ADCY6: variants seen among roughly 807,000 people sequenced by gnomAD.
The protein encoded by ADCY6 is adenylate cyclase 6.
Under a neutral mutation model 111.6 loss-of-function variants are expected in ADCY6, and 59 were observed. The observed-to-expected ratio is 0.53, with a 90% CI of 0.43 to 0.66. ADCY6 has a LOEUF of 0.66. ADCY6 is among the 30% of genes least tolerant of loss of function. The pLI is 0.00. For missense variants in ADCY6, 1,242 were observed against 1,595.6 expected, an observed-to-expected ratio of 0.78 and a Z score of 3.78; for synonymous variants, 576 against 642.9, an observed-to-expected ratio of 0.90 and a Z score of 1.57.
Position 48,768,728 on chromosome 12 carries a change from G to T in ADCY6, c.3382-12C>A. The T allele has an allele frequency of 6.2e-7, 1 of 1,613,212 alleles. No homozygotes were observed. Among genetic ancestry groups the T allele is most frequent in the Non-Finnish European group, 8.5e-7 (1 of 1,179,348 alleles). On this transcript the variant is annotated splice_polypyrimidine_tract_variant and intron_variant, in intron 21 of 21. Coordinates refer to ENST00000357869, the MANE Select transcript of ADCY6 (RefSeq NM_015270.5). Reference sequence around the variant, plus strand: ...AGGTCCGTGGTCACCTGGGGGAGTGGGAGGGGAGCCCGCTTAGCCTGGAAT... The same window carrying T: ...AGGTCCGTGGTCACCTGGGGGAGTGTGAGGGGAGCCCGCTTAGCCTGGAAT...
intron 21 of ADCY6, 105 bp downstream of exon 21, chr12:48,768,832 C>A (rs1245952347): frequency 2.3e-5 from 36 of 1,552,770 alleles, no homozygotes; most frequent in Non-Finnish European, 3.0e-5. Context: ...CCCCACCATA[C>A]ACAGAACACT....
intron 2 of ADCY6, among the ~76,000 whole-genome samples, chr12:48,780,664 C>G (rs1296716560): frequency 2.0e-5 from 3 of 152,196 alleles, no homozygotes; most frequent in Non-Finnish European, 4.4e-5. Context: ...CAGTCGAGAG[C>G]AGGGAACAGA....
intron 1 of ADCY6, among the ~76,000 whole-genome samples, chr12:48,788,462 G>A (rs568553200): frequency 6.6e-6 from 1 of 152,034 alleles, no homozygotes; most frequent in African/African-American, 2.4e-5. Context: ...CATTCCCAAG[G>A]TTTTGGGTGA....
At chr12:48,770,597 G>A (rs1178677149) in intron 20 of ADCY6, among the ~76,000 whole-genome samples, 169 bp downstream of exon 20, 1 of 152,198 alleles carries the variant, frequency 6.6e-6, no homozygotes, top group Non-Finnish European at 1.5e-5. Flanking sequence ...TTATAGGACA[G>A]TGCCTAATGA....
At chr12:48,779,729 T>C (rs1439296206) in intron 2 of ADCY6, among the ~76,000 whole-genome samples, 1 of 152,134 alleles carries the variant, frequency 6.6e-6, no homozygotes, top group African/African-American at 2.4e-5. Context: ...CAGAGTTGGA[T>C]GGGGCAGGGC....
chr12:48,778,872 A>ATTTTTTTTTTTTTTTTTT (rs1037254707), intron 2 of ADCY6, among the ~76,000 whole-genome samples: 3 of 72,414 alleles, frequency 4.1e-5, no homozygotes, highest in African/African-American at 1.8e-4. Flanking sequence ...TGAATAACAC[A>ATTTTTTTTTTTTTTTTTT]TTTTTTTTTT....
chr12:48,768,653 C>T lies in ADCY6; in HGVS notation c.3445G>A (p.Val1149Ile), dbSNP rs145630064. Residue 1149 changes from valine to isoleucine, a missense_variant, in exon 22 of 22, where the codon GTC (valine) becomes ATC (isoleucine). Coordinates refer to ENST00000357869, the MANE Select transcript of ADCY6 (RefSeq NM_015270.5). Reference sequence around the variant, plus strand: ...ATCTCCCCCTTGCCCTTCACCTTGACCACCCCTCGACACTCCAGCTGGTAG... The same window carrying T: ...ATCTCCCCCTTGCCCTTCACCTTGATCACCCCTCGACACTCCAGCTGGTAG... ...KGYQLECRGV[V>I]KVKGKGEMTT... 4.1e-5 allele frequency: 66 copies of T among 1,614,062 alleles called. No homozygotes were observed. The African/African-American group carries it at 8.1e-4, about 20-fold the overall frequency.
Position 48,777,709 on chromosome 12 carries a change from G to C in ADCY6, c.1042C>G (p.Gln348Glu). The change falls in exon 4 of 22, where the codon CAG (glutamine) becomes GAG (glutamate). Residue 348 changes from glutamine (Q) to glutamate (E), a missense_variant. Transcript: ENST00000357869. This position sits in a 1 kb window ranked among gnomAD's most constrained non-coding sequence, Gnocchi z 4.9. Reference sequence around the variant, plus strand: ...TCTTTCATCTCCATGGCAACGTGCTGGGGCAATACCGACAGCAGCAGCCGC... The same window carrying C: ...TCTTTCATCTCCATGGCAACGTGCTCGGGCAATACCGACAGCAGCAGCCGC... ...QERLLLSVLP[Q>E]HVAMEMKEDI... The C allele has an allele frequency of 6.2e-7, 1 of 1,614,114 alleles. No individual in the cohort carries two copies. Among genetic ancestry groups the C allele is most frequent in the African/African-American group, 1.3e-5 (1 of 75,016 alleles).
chr12:48,772,128 G>T (rs1941565328), intron 18 of ADCY6, 155 bp from the exon 19 acceptor site: 7 of 1,374,840 alleles, frequency 5.1e-6, no homozygotes, highest in Non-Finnish European at 5.8e-6. Context: ...AAAGGGGGCA[G>T]GTAGAGGATG....
At chr12:48,775,915 G>A (rs1941686452) in intron 9 of ADCY6, 48 bp downstream of exon 9, 2 of 1,566,752 alleles carry the variant, frequency 1.3e-6, no homozygotes, top group Non-Finnish European at 1.7e-6. Context: ...AGGGTATTGA[G>A]GGAGCTAAGA....
chr12:48,777,578 C>T lies in ADCY6; in HGVS notation c.1136+37G>A. ...CATAGCCCTCAAAGACTTCCAGACC[C>T]CCCGCCCTGCTGGGCATCCTCCTAC... On this transcript the variant is annotated intron_variant, in intron 4 of 21. Coordinates refer to ENST00000357869, the MANE Select transcript of ADCY6 (RefSeq NM_015270.5). The surrounding 1 kb of genome is among the most constrained non-coding windows in gnomAD (Gnocchi z 4.9). 2 of 1,612,890 alleles carry T rather than the reference C, an allele frequency of 1.2e-6. No individual in the cohort carries two copies. Among genetic ancestry groups the T allele is most frequent in the Non-Finnish European group, 1.7e-6 (2 of 1,179,946 alleles).
chr12:48,777,963 C>T lies in ADCY6; in HGVS notation c.1014+145G>A. Reference sequence around the variant, plus strand: ...CTCCTTCCCTTGGACAGGACAAAACCCCAGTATCACAGGGCCTCTGTGACG... The same window carrying T: ...CTCCTTCCCTTGGACAGGACAAAACTCCAGTATCACAGGGCCTCTGTGACG... On this transcript the variant is annotated intron_variant, in intron 3 of 21. Transcript: ENST00000357869. This position sits in a 1 kb window ranked among gnomAD's most constrained non-coding sequence, Gnocchi z 4.9. 24 of 1,310,422 alleles carry T rather than the reference C, an allele frequency of 1.8e-5. No homozygotes were observed. The highest frequency in any genetic ancestry group is 2.5e-5 in the Non-Finnish European group (24 of 963,620). 81.2% of individuals were successfully genotyped at this position (1,310,422 alleles called of 1,614,324 possible).
In ADCY6 at chr12:48,768,400, G is replaced by A. The variant is rs546911280; in HGVS notation, c.*191C>T. 115 of 747,302 alleles carry A rather than the reference G, an allele frequency of 1.5e-4. 1 individual carries two copies. The highest frequency in any genetic ancestry group is 1.5e-3 in the South Asian group (88 of 58,036). The allele number at this position is 747,302 out of a possible 1,614,324, so 46.3% of individuals were successfully genotyped here. A position where few individuals can be genotyped will look rare whatever the true frequency, so the allele number is the denominator to read the frequency against. On this transcript the variant is annotated 3_prime_UTR_variant, in exon 22 of 22. Transcript: ENST00000357869. ...AGAAAGTCACTTGCATAATCCTCTC[G>A]GTAGGTAGCCCCTTGTTTTCCAGCT...
intron 1 of ADCY6, among the ~76,000 whole-genome samples, chr12:48,785,680 G>A (rs1364985701): frequency 6.6e-6 from 1 of 152,156 alleles, no homozygotes; most frequent in Admixed American, 6.5e-5. Context: ...ATGGATGGAC[G>A]AATGATACTC....
chr12:48,784,856 G>A (rs563300657), intron 1 of ADCY6, among the ~76,000 whole-genome samples: 11 of 151,998 alleles, frequency 7.2e-5, no homozygotes, highest in South Asian at 2.1e-4. Flanking sequence ...TAGTAGAGAC[G>A]GAGTTTCACT....
chr12:48,775,387 G>A lies in ADCY6; in HGVS notation c.1896C>T (p.Ile632=), dbSNP rs116169976. ...DEVDEFLSRA[I]DARSIDQLRK... ...GCAGCTGATCAATGCTGCGGGCATCGATGGCACGGCTCAGGAACTCATCCA... is the reference window on the plus strand; with the variant it reads ...GCAGCTGATCAATGCTGCGGGCATCAATGGCACGGCTCAGGAACTCATCCA... Residue 632 remains isoleucine (I), a synonymous_variant, in exon 11 of 22, where the codon ATC becomes ATT. Coordinates refer to ENST00000357869, the MANE Select transcript of ADCY6 (RefSeq NM_015270.5). 17 of 1,614,174 alleles carry A rather than the reference G, an allele frequency of 1.1e-5. No homozygotes were observed. Among genetic ancestry groups the A allele is most frequent in the African/African-American group, 5.3e-5 (4 of 75,040 alleles).
Position 48,776,809 on chromosome 12 carries a change from T to C in ADCY6, c.1377-223A>G, listed in dbSNP as rs1022921760. ...GGGGCCCAGCAGCATCTTATGGAAC[T>C]GAGCTAGGAGAAGAGGAATCACTGT... On this transcript the variant is annotated intron_variant, in intron 6 of 21. Transcript: ENST00000357869. This position sits in a 1 kb window ranked among gnomAD's most constrained non-coding sequence, Gnocchi z 6.1. Among the ~76,000 whole-genome samples, 1 of 152,194 alleles carries C rather than the reference T, an allele frequency of 6.6e-6. No individual in the cohort carries two copies. Among genetic ancestry groups the C allele is most frequent in the Admixed American group, 6.5e-5 (1 of 15,276 alleles).
Position 48,776,267 on chromosome 12 carries a change from G to A in ADCY6, c.1619C>T (p.Ala540Val), listed in dbSNP as rs775156619. Reference protein sequence around the residue: ...VEPGRGGERNAYLKEQHIETF... With the variant: ...VEPGRGGERNVYLKEQHIETF... ...CTCAATGTGCTGCTCCTTGAGGTAC[G>A]CGTTGCGCTCGCCACCACGGCCTGG... The change falls in exon 8 of 22, where the codon GCG becomes GTG. Residue 540 changes from alanine to valine, a missense_variant. Physicochemically the swap from Ala to Val is moderately conservative, Grantham distance 64. This residue lies in a region of ADCY6 where 260 missense variants were observed against 414.6 expected (regional missense o/e 0.63). Transcript: ENST00000357869. This position sits in a 1 kb window ranked among gnomAD's most constrained non-coding sequence, Gnocchi z 6.1. 8.1e-6 allele frequency: 13 copies of A among 1,614,220 alleles called. No homozygotes were observed. The highest frequency in any genetic ancestry group is 6.7e-5 in the East Asian group (3 of 44,872).
In ADCY6 at chr12:48,766,621, G is replaced by GGCCATC. The variant is rs1941385833; in HGVS notation, c.*1969_*1970insGATGGC. 6.6e-6 allele frequency: 1 copy of GGCCATC among 152,646 alleles called. No homozygotes were observed. Among genetic ancestry groups the GGCCATC allele is most frequent in the African/African-American group, 2.4e-5 (1 of 41,416 alleles). The allele number at this position is 152,646 out of a possible 1,614,324, so 9.5% of individuals were successfully genotyped here. On this transcript the variant is annotated 3_prime_UTR_variant, in exon 22 of 22. Coordinates refer to ENST00000357869, the MANE Select transcript of ADCY6 (RefSeq NM_015270.5). ...TTCCCCTCCTTCTGCCATGACTAATGAAGTACCTGATGGCCCATTTGGTTG... is the reference window on the plus strand; with the variant it reads ...TTCCCCTCCTTCTGCCATGACTAATGGCCATCAAGTACCTGATGGCCCATTTGGTTG...
Sources: gnomAD v4.1 joint callset for allele counts (sites outside exome capture counted in the v4.1 genomes callset) on GRCh38, gnomAD v4.1.1 for gene constraint, gnomAD v4.1.1 regional missense constraint, Gnocchi (gnomAD v3.1) non-coding constraint, MANE v1.5 for transcripts, NCBI Gene and HGNC (gene_info 2026-07-23, HGNC 2026-07-21) for gene names.